Variants in FSTL5 observed in about 807,000 individuals in gnomAD.
FSTL5 encodes the protein follistatin-related protein 5.
Under a neutral mutation model 89.1 loss-of-function variants are expected in FSTL5, and 62 were observed. That is an observed-to-expected ratio of 0.70 (90% CI 0.57 to 0.86). The LOEUF (loss-of-function observed/expected upper bound fraction) is 0.86, where lower values mean the gene tolerates loss of function less well. FSTL5 is among the 40% of genes least tolerant of loss of function. FSTL5 has a pLI of 0.00. For missense variants in FSTL5, 1,057 were observed against 1,001.6 expected (o/e 1.06, Z -0.75); for synonymous variants, 383 against 346.2 (o/e 1.11, Z -1.18).
intron 4 of FSTL5, among the ~76,000 whole-genome samples, chr4:161,785,310 T>A (rs553944447): frequency 6.6e-6 from 1 of 152,306 alleles, no homozygotes; most frequent in African/African-American, 2.4e-5. Flanking sequence ...CAGGAGTCAG[T>A]CTCAGGAGGA....
intron 3 of FSTL5, among the ~76,000 whole-genome samples, chr4:161,943,590 C>T (rs1176175664): frequency 9.4e-6 from 1 of 106,530 alleles, no homozygotes; most frequent in Non-Finnish European, 1.7e-5. Flanking sequence ...TGGAGTCTTG[C>T]TGTCGCTCAG....
intron 3 of FSTL5, among the ~76,000 whole-genome samples, chr4:161,979,760 T>G (rs1735762340): frequency 6.6e-6 from 1 of 152,184 alleles, no homozygotes; most frequent in South Asian, 2.1e-4. Flanking sequence ...TATCTATTGC[T>G]GCCCAAACCT....
intron 15 of FSTL5, among the ~76,000 whole-genome samples, chr4:161,392,480 C>A (rs1474625992): frequency 6.6e-6 from 1 of 152,132 alleles, no homozygotes; most frequent in Non-Finnish European, 1.5e-5. Context: ...CCACCTTGGC[C>A]TCCCAGTGTG....
At chr4:162,122,356 C>G in intron 1 of FSTL5, among the ~76,000 whole-genome samples, 1 of 148,298 alleles carries the variant, frequency 6.7e-6, no homozygotes, top group East Asian at 2.0e-4. Flanking sequence ...ACTAACTAAT[C>G]CACTTAAATT....
intron 12 of FSTL5, among the ~76,000 whole-genome samples, chr4:161,485,923 A>C (rs2126461224): frequency 6.6e-6 from 1 of 152,196 alleles, no homozygotes; most frequent in Admixed American, 6.5e-5. Flanking sequence ...GGATCACTTG[A>C]GTTCAGGAGT....
At chr4:161,902,627 C>A (rs1214416187) in intron 4 of FSTL5, among the ~76,000 whole-genome samples, 1 of 152,068 alleles carries the variant, frequency 6.6e-6, no homozygotes, top group East Asian at 1.9e-4. Flanking sequence ...GCGGGAGGAT[C>A]ATGAGGTCAG....
intron 7 of FSTL5, among the ~76,000 whole-genome samples, chr4:161,653,942 G>A (rs1234489380): frequency 1.3e-5 from 2 of 152,012 alleles, no homozygotes; most frequent in Non-Finnish European, 2.9e-5. Context: ...AACTAAATAT[G>A]GCTCAAAATG....
intron 2 of FSTL5, among the ~76,000 whole-genome samples, chr4:162,095,173 T>C (rs950682851): frequency 6.6e-6 from 1 of 152,090 alleles, no homozygotes; most frequent in African/African-American, 2.4e-5. Flanking sequence ...TAAAATTACA[T>C]TGAATAATAT....
intron 8 of FSTL5, among the ~76,000 whole-genome samples, chr4:161,550,855 T>TA (rs1344539340): frequency 1.3e-5 from 2 of 151,962 alleles, no homozygotes; most frequent in Non-Finnish European, 2.9e-5. Flanking sequence ...GTTCTTGCGA[T>TA]AGTTTGCTGA....
rs1237322550 is a variant in FSTL5 at position 161,994,251 on chromosome 4, T to C, written c.160+39374A>G. 2.0e-5 allele frequency among the ~76,000 whole-genome samples: 3 copies of C among 152,236 alleles called. No homozygotes were observed. The South Asian group carries it at 6.2e-4, about 31-fold the overall frequency. ...TTTTTTATGGCTGCATAGTATTCCA[T>C]GGTGTATATGTACCACATTTTCTTT... On this transcript the variant is annotated intron_variant, in intron 3 of 15. Transcript: ENST00000306100.
intron 6 of FSTL5, among the ~76,000 whole-genome samples, chr4:161,681,723 T>C (rs1330452902): frequency 6.6e-6 from 1 of 152,170 alleles, no homozygotes; most frequent in Non-Finnish European, 1.5e-5. Context: ...CCCCTCATAT[T>C]ATCTCACCTA....
rs181912120 is a variant in FSTL5, at chr4:161,877,587, G to T, written c.409+42817C>A. Among the ~76,000 whole-genome samples, 5 of 151,150 alleles carry T rather than the reference G, an allele frequency of 3.3e-5. No individual in the cohort carries two copies. In the East Asian group the frequency reaches 9.9e-4, roughly 30 times the overall value. ...CACTCCTGTAATCCCAGCACTTTGG[G>T]AGGCCGAGGAGGGCGGATCGCGAGA... On this transcript the variant is annotated intron_variant, in intron 4 of 15. Coordinates refer to ENST00000306100, the MANE Select transcript of FSTL5 (RefSeq NM_020116.5).
At chr4:161,642,865 A>G (rs1478500565) in intron 7 of FSTL5, among the ~76,000 whole-genome samples, 1 of 152,162 alleles carries the variant, frequency 6.6e-6, no homozygotes, top group Non-Finnish European at 1.5e-5. Flanking sequence ...AGAATTACGG[A>G]GATGAATGTT....
At chr4:162,119,844 C>T (rs1428183114) in intron 1 of FSTL5, among the ~76,000 whole-genome samples, 1 of 152,090 alleles carries the variant, frequency 6.6e-6, no homozygotes, top group Non-Finnish European at 1.5e-5. Flanking sequence ...TTCCCAGGCT[C>T]TAGTATCCTC....
chr4:161,623,744 A>G (rs1281978390), intron 7 of FSTL5, among the ~76,000 whole-genome samples: 4 of 151,926 alleles, frequency 2.6e-5, no homozygotes, highest in African/African-American at 9.7e-5. Flanking sequence ...TCAGTGATAA[A>G]TATCTGTTTA....
chr4:161,900,065 A>C (rs1246560499), intron 4 of FSTL5, among the ~76,000 whole-genome samples: 3 of 151,664 alleles, frequency 2.0e-5, no homozygotes, highest in African/African-American at 7.3e-5. Flanking sequence ...GTGGTGGCAC[A>C]CACCTGTAGT....
intron 4 of FSTL5, among the ~76,000 whole-genome samples, chr4:161,854,162 T>A (rs1220679512): frequency 6.6e-6 from 1 of 152,198 alleles, no homozygotes; most frequent in Non-Finnish European, 1.5e-5. Flanking sequence ...GAAAGCTTTC[T>A]ACTGGAATCT....
chr4:161,872,901 G>A (rs1732320984), intron 4 of FSTL5, among the ~76,000 whole-genome samples: 1 of 152,040 alleles, frequency 6.6e-6, no homozygotes, highest in Non-Finnish European at 1.5e-5. Context: ...CTGAAATAAA[G>A]GAGACTCAAG....
chr4:161,699,477 A>G (rs1403846684), intron 6 of FSTL5, among the ~76,000 whole-genome samples: 1 of 152,152 alleles, frequency 6.6e-6, no homozygotes, highest in East Asian at 1.9e-4. Context: ...TGTATTTTCT[A>G]GAGACCACTG....
Sources: allele counts gnomAD v4.1 joint callset (sites outside exome capture counted in the v4.1 genomes callset), GRCh38; gene constraint gnomAD v4.1.1; transcripts MANE v1.5; gene names NCBI Gene and HGNC (gene_info 2026-07-23, HGNC 2026-07-21).